The following CNNM3 variants were observed in gnomAD, a reference collection of about 807,000 sequenced individuals.
CNNM3 encodes metal transporter CNNM3.
In CNNM3, 47 loss-of-function variants were observed where a neutral mutation model predicts 57.1. The ratio of observed to expected loss-of-function variants is 0.82; its 90% CI spans 0.65 to 1.05. The LOEUF (loss-of-function observed/expected upper bound fraction) is 1.05. Among genes scored for constraint, CNNM3 ranks in the 50% least tolerant of loss-of-function variants. The probability of loss-of-function intolerance (pLI) is 0.00; values close to 1 mark genes in which losing one functional copy is unlikely to be tolerated. For missense variants in CNNM3, 957 were observed against 973.7 expected (o/e 0.98, Z 0.23); for synonymous variants, 507 against 478.2 (o/e 1.06, Z -0.79).
In CNNM3 at chr2:96,832,741, T is replaced by C. The variant is rs993040779; in HGVS notation, c.*125T>C. The C allele has an allele frequency of 1.9e-6, 3 of 1,551,896 alleles. No homozygotes were observed. Among genetic ancestry groups the C allele is most frequent in the East Asian group, 2.3e-5 (1 of 43,574 alleles). On this transcript the variant is annotated 3_prime_UTR_variant, in exon 8 of 8. Transcript: ENST00000305510. ...CAGGCCACGTTTTAGATGGCCCTTGTAGTTGCGGGTCCTGGGTGTCCTCAG... is the reference window on the plus strand; with the variant it reads ...CAGGCCACGTTTTAGATGGCCCTTGCAGTTGCGGGTCCTGGGTGTCCTCAG...
At chr2:96,824,302 A>C (rs2079457342) in intron 1 of CNNM3, among the ~76,000 whole-genome samples, 2 of 152,168 alleles carry the variant, frequency 1.3e-5, no homozygotes, top group Admixed American at 1.3e-4. Flanking sequence ...TAAGGTGGAA[A>C]ATCTCAGCCT....
Position 96,816,363 on chromosome 2 carries a change from C to T in CNNM3, c.86C>T (p.Pro29Leu), listed in dbSNP as rs1378760263. Residue 29 changes from proline (P) to leucine (L), a missense_variant, in exon 1 of 8, where the codon CCG becomes CTG. Pro to Leu is a moderately conservative substitution (Grantham distance 98). Transcript: ENST00000305510. ...GGCAACGCCGCGGGGGAGGCCGCGC[C>T]GGGCCCGCGAGTGCTGGGCTTCTGC... ...CLGNAAGEAA[P>L]GPRVLGFCLE... is the part of the protein sequence containing the mutation. 1.3e-5 allele frequency: 17 copies of T among 1,317,074 alleles called. No homozygotes were observed. Among genetic ancestry groups the T allele is most frequent in the Admixed American group, 1.2e-4 (3 of 24,092 alleles). 81.6% of individuals were successfully genotyped at this position (1,317,074 alleles called of 1,614,324 possible).
downstream of CNNM3, among the ~76,000 whole-genome samples, chr2:96,836,026 T>G (rs1339494195): frequency 6.6e-6 from 1 of 152,098 alleles, no homozygotes; most frequent in Non-Finnish European, 1.5e-5. Flanking sequence ...TGAGATTCCT[T>G]TATGGGATTT....
intron 3 of CNNM3, among the ~76,000 whole-genome samples, chr2:96,827,293 G>C (rs2079524729): frequency 6.6e-6 from 1 of 150,974 alleles, no homozygotes; most frequent in African/African-American, 2.4e-5. Context: ...TTAAAGATAG[G>C]GTCTCGCTCT....
intron 7 of CNNM3, 138 bp from the exon 8 acceptor site, chr2:96,832,414 C>A: frequency 1.3e-6 from 2 of 1,499,458 alleles, no homozygotes; most frequent in Admixed American, 2.1e-5. Flanking sequence ...GCTCCTGTTT[C>A]TGCTCTGATA....
Position 96,826,937 on chromosome 2 carries a change from ATC to A in CNNM3, c.1477_1478del (p.Ser493AlafsTer25). On this transcript the variant is annotated frameshift_variant, in exon 3 of 8. Coordinates refer to ENST00000305510, the MANE Select transcript of CNNM3 (RefSeq NM_017623.5). LOFTEE classifies it high-confidence loss of function. ...KVSDDEYKVTISPQLLLATQR... is the reference protein window; with the variant it reads ...KVSDDEYKVTXSPQLLLATQR... The stretch of plus-strand genomic sequence containing the variant: ...GTCTGATGATGAATATAAAGTAACA[ATC>A]TCGCCTCAGCTGCTCTTGGCCACCC... 1 of 1,614,088 alleles carries A rather than the reference ATC, an allele frequency of 6.2e-7. No homozygotes were observed.
At chr2:96,836,148 A>G (rs2079688407), downstream of CNNM3, among the ~76,000 whole-genome samples, 1 of 145,060 alleles carries the variant, frequency 6.9e-6, no homozygotes, top group Non-Finnish European at 1.5e-5. Context: ...CAGTGGCACA[A>G]TCTTGGCTCA....
At position 96,833,138 on chromosome 2, in the gene CNNM3, C is replaced by G; in HGVS notation, c.*522C>G. ...TGTCCATGTTGTCCTTTCTGGCTTC[C>G]CTGATGGTGTCATGTTTCAGCGCAT... On this transcript the variant is annotated 3_prime_UTR_variant, in exon 8 of 8. Transcript: ENST00000305510. 1 of 651,784 alleles carries G rather than the reference C, an allele frequency of 1.5e-6. No individual in the cohort carries two copies. The highest frequency in any genetic ancestry group is 1.7e-5 in the South Asian group (1 of 60,116). 40.4% of individuals were successfully genotyped at this position (651,784 alleles called of 1,614,324 possible). A position where few individuals can be genotyped will look rare whatever the true frequency, so the allele number is the denominator to read the frequency against.
chr2:96,823,099 C>T (rs2153354256), intron 1 of CNNM3, among the ~76,000 whole-genome samples: 1 of 152,332 alleles, frequency 6.6e-6, no homozygotes, highest in Non-Finnish European at 1.5e-5. Flanking sequence ...CTAGACCCCT[C>T]AGACATTCTT....
rs751590296 is a variant in CNNM3 at position 96,817,396 on chromosome 2, C to T, written c.1119C>T (p.Pro373=). 3 of 1,614,042 alleles carry T rather than the reference C, an allele frequency of 1.9e-6. No homozygotes were observed. Among genetic ancestry groups the T allele is most frequent in the East Asian group, 4.5e-5 (2 of 44,892 alleles). The part of the protein sequence containing the change: ...LYLKDLAFVD[P]EDCTPLSTIT... ...TCAAGGACTTGGCCTTCGTGGATCC[C>T]GAAGACTGCACGCCGCTCAGCACCA... The change falls in exon 1 of 8, where the codon CCC becomes CCT. Residue 373 remains proline (P), a synonymous_variant. Coordinates refer to ENST00000305510, the MANE Select transcript of CNNM3 (RefSeq NM_017623.5).
At chr2:96,829,222 C>G (rs989172527) in intron 7 of CNNM3, 88 bp downstream of exon 7, 7 of 1,442,382 alleles carry the variant, frequency 4.9e-6, no homozygotes, top group East Asian at 2.5e-5. Flanking sequence ...GCCGCCCCCC[C>G]ACCCTCTGTC....
At position 96,827,688 on chromosome 2, in the gene CNNM3, C is replaced by G. The variant is rs765285754; in HGVS notation, c.1520-43C>G. The G allele has an allele frequency of 5.7e-6, 9 of 1,585,044 alleles. No homozygotes were observed. In the Admixed American group the frequency reaches 1.2e-4, roughly 21 times the overall value. ...GTGTTGGGTGTGGTTCCACTGGCCA[C>G]TAGGCCCCAGTGGACACTGTCCCTT... On this transcript the variant is annotated intron_variant, in intron 3 of 7. Coordinates refer to ENST00000305510, the MANE Select transcript of CNNM3 (RefSeq NM_017623.5).
rs2079516863 is a variant in CNNM3 at position 96,826,939 on chromosome 2, C to T, written c.1476C>T (p.Ile492=). The change falls in exon 3 of 8, where the codon ATC becomes ATT. Residue 492 remains isoleucine (I), a synonymous_variant. Transcript: ENST00000305510. ...KVSDDEYKVT[I]SPQLLLATQR... ...CTGATGATGAATATAAAGTAACAAT[C>T]TCGCCTCAGCTGCTCTTGGCCACCC... The T allele has an allele frequency of 6.2e-7, 1 of 1,614,240 alleles. No individual in the cohort carries two copies. The highest frequency in any genetic ancestry group is 8.5e-7 in the Non-Finnish European group (1 of 1,180,040).
At position 96,826,894 on chromosome 2, in the gene CNNM3, G is replaced by A. The variant is rs1479895720; in HGVS notation, c.1431G>A (p.Glu477=). 1 of 1,614,178 alleles carries A rather than the reference G, an allele frequency of 6.2e-7. No homozygotes were observed. Among genetic ancestry groups the A allele is most frequent in the Non-Finnish European group, 8.5e-7 (1 of 1,179,990 alleles). ...TGGCCCCTCTGAAGCGGAAGGAGGA[G>A]TTCTCCTTGTTCAAGGTGTCTGATG... The part of the protein sequence containing the change: ...SLMAPLKRKE[E]FSLFKVSDDE... The change falls in exon 3 of 8, where the codon GAG becomes GAA. Residue 477 remains glutamate, a synonymous_variant. Coordinates refer to ENST00000305510, the MANE Select transcript of CNNM3 (RefSeq NM_017623.5).
intron 7 of CNNM3, among the ~76,000 whole-genome samples, chr2:96,831,594 T>C (rs947239069): frequency 5.3e-5 from 8 of 152,236 alleles, no homozygotes; most frequent in African/African-American, 1.9e-4. Context: ...GCAGTGGAGC[T>C]GAGTAGCTGT....
At chr2:96,825,898 T>A (rs932977314) in intron 2 of CNNM3, among the ~76,000 whole-genome samples, 1 of 152,042 alleles carries the variant, frequency 6.6e-6, no homozygotes, top group Non-Finnish European at 1.5e-5. Flanking sequence ...GGGGTGGAAA[T>A]AAGTCTTCCC....
At chr2:96,836,158 A>C (rs1225245291), downstream of CNNM3, among the ~76,000 whole-genome samples, 3 of 134,832 alleles carry the variant, frequency 2.2e-5, no homozygotes, top group Non-Finnish European at 3.0e-5. Flanking sequence ...ATCTTGGCTC[A>C]CTGTATACTT....
chr2:96,820,872 C>A (rs973645939), intron 1 of CNNM3, among the ~76,000 whole-genome samples: 5 of 152,122 alleles, frequency 3.3e-5, no homozygotes, highest in African/African-American at 1.2e-4. Context: ...GATTGAAATG[C>A]AGGTTGAAAT....
At chr2:96,821,619 C>T (rs1031839931) in intron 1 of CNNM3, among the ~76,000 whole-genome samples, 1 of 152,080 alleles carries the variant, frequency 6.6e-6, no homozygotes, top group Non-Finnish European at 1.5e-5. Context: ...TGGACAGCTG[C>T]TCCTTGACTT....
Sources: gnomAD v4.1 joint callset for allele counts (sites outside exome capture counted in the v4.1 genomes callset) on GRCh38, gnomAD v4.1.1 for gene constraint, MANE v1.5 for transcripts, NCBI Gene and HGNC (gene_info 2026-07-23, HGNC 2026-07-21) for gene names.